Variants in SDK1 observed in about 807,000 individuals in gnomAD.
SDK1 encodes protein sidekick-1.
A neutral mutation model predicts 245.5 loss-of-function variants in SDK1; 157 were observed. The ratio of observed to expected loss-of-function variants is 0.64; its 90% CI spans 0.56 to 0.73. SDK1 has a LOEUF of 0.73. Ranked by LOEUF, SDK1 falls within the 30% of genes least tolerant of loss-of-function variation. The pLI, the probability that SDK1 is intolerant of heterozygous loss-of-function variation, is 0.00. For synonymous variants in SDK1, 1,647 were observed against 1,278.5 expected, an observed-to-expected ratio of 1.29 and a Z score of -6.15; for missense variants, 3,583 against 3,002.3, an observed-to-expected ratio of 1.19 and a Z score of -4.52.
chr7:4,241,373 G>A (rs35399365), intron 42 of SDK1, among the ~76,000 whole-genome samples: 27,880 of 152,080 alleles, frequency 0.18, 2,959 homozygotes, highest in Non-Finnish European at 0.24. Context: ...AGTGGCTCAC[G>A]CTTGCCATCC....
At chr7:3,682,631 T>A (rs574291009) in intron 4 of SDK1, among the ~76,000 whole-genome samples, 2 of 27,100 alleles carry the variant, frequency 7.4e-5, no homozygotes, top group East Asian at 1.7e-3. Flanking sequence ...TTTTTTTCTT[T>A]TTACATCAGC....
intron 5 of SDK1, among the ~76,000 whole-genome samples, chr7:3,849,093 G>C (rs182370215): frequency 5.9e-5 from 9 of 152,274 alleles, no homozygotes; most frequent in Admixed American, 2.6e-4. Flanking sequence ...TCTCTGTTTA[G>C]AGTTTCCATT....
At chr7:3,826,416 A>G (rs1779776706) in intron 5 of SDK1, among the ~76,000 whole-genome samples, 1 of 152,196 alleles carries the variant, frequency 6.6e-6, no homozygotes, top group Non-Finnish European at 1.5e-5. Context: ...AATTCTTATG[A>G]CATCTGGTTA....
At chr7:4,139,184 A>C (rs1443016495) in intron 28 of SDK1, among the ~76,000 whole-genome samples, 39 of 151,270 alleles carry the variant, frequency 2.6e-4, no homozygotes, top group South Asian at 4.2e-4. Flanking sequence ...TTCTCTACCC[A>C]CCCCCCATTT....
intron 4 of SDK1, among the ~76,000 whole-genome samples, chr7:3,813,546 A>G (rs1280046466): frequency 2.7e-5 from 4 of 149,956 alleles, no homozygotes; most frequent in African/African-American, 5.0e-5. Context: ...AGTCTTTGCT[A>G]TTGTGAATAA....
chr7:3,583,674 CAAG>C (rs1322680158), intron 1 of SDK1, among the ~76,000 whole-genome samples: 2 of 152,002 alleles, frequency 1.3e-5, no homozygotes, highest in Admixed American at 6.5e-5. Flanking sequence ...GGAAATAAAA[CAAG>C]TAGTAAGAGG....
At chr7:3,741,410 G>A (rs559072799) in intron 4 of SDK1, among the ~76,000 whole-genome samples, 3 of 152,278 alleles carry the variant, frequency 2.0e-5, no homozygotes, top group Non-Finnish European at 4.4e-5. Context: ...TGTGGGAATC[G>A]TGCACCCCAC....
intron 4 of SDK1, among the ~76,000 whole-genome samples, chr7:3,730,594 A>G (rs1187096808): frequency 1.3e-5 from 2 of 152,088 alleles, no homozygotes; most frequent in African/African-American, 4.8e-5. Context: ...GACTGAGAGG[A>G]TGAGGTCACA....
At position 3,417,359 on chromosome 7, in the gene SDK1, A is replaced by C. The variant is rs540703231; in HGVS notation, c.298+115475A>C. On this transcript the variant is annotated intron_variant, in intron 1 of 44. Transcript: ENST00000404826. ...CGACTCTTCGTCTTCTTTCTGCTGC[A>C]TGTGGTCTGACCATCTTAGTTCTCA... Among the ~76,000 whole-genome samples, 3 of 152,130 alleles carry C rather than the reference A, an allele frequency of 2.0e-5. No homozygotes were observed. In the South Asian group the frequency reaches 6.2e-4, roughly 32 times the overall value.
chr7:3,820,723 A>T (rs573059661), intron 4 of SDK1, among the ~76,000 whole-genome samples: 1 of 152,196 alleles, frequency 6.6e-6, no homozygotes, highest in Non-Finnish European at 1.5e-5. Flanking sequence ...AAGACAAGCA[A>T]CTTAACTTCT....
intron 1 of SDK1, among the ~76,000 whole-genome samples, chr7:3,429,311 T>C (rs1779765200): frequency 2.0e-5 from 3 of 152,234 alleles, no homozygotes; most frequent in African/African-American, 7.2e-5. Context: ...ATGTAATTCT[T>C]ATAAACATCT....
chr7:3,349,589 C>A (rs902014421), intron 1 of SDK1, among the ~76,000 whole-genome samples: 2 of 152,038 alleles, frequency 1.3e-5, no homozygotes, highest in Non-Finnish European at 2.9e-5. Flanking sequence ...CTTTTTGGGC[C>A]AGAGTACATG....
chr7:3,945,729 C>T (rs1014747620), intron 5 of SDK1, among the ~76,000 whole-genome samples: 1 of 151,362 alleles, frequency 6.6e-6, no homozygotes, highest in South Asian at 2.1e-4. Context: ...GAAACCCTGT[C>T]TCTACTAAAA....
At chr7:4,024,501 G>A (rs766978056) in intron 17 of SDK1, among the ~76,000 whole-genome samples, 11 of 152,176 alleles carry the variant, frequency 7.2e-5, no homozygotes, top group Non-Finnish European at 1.5e-5. Flanking sequence ...TTCCATTAGG[G>A]GTGGGCTTCC....
chr7:3,710,651 G>A (rs542577731), intron 4 of SDK1, among the ~76,000 whole-genome samples: 2 of 152,284 alleles, frequency 1.3e-5, no homozygotes, highest in South Asian at 2.1e-4. Context: ...CGACACTCTC[G>A]TAAATTACTC....
At chr7:4,247,607 C>G (rs908375318) in intron 44 of SDK1, among the ~76,000 whole-genome samples, 1 of 152,370 alleles carries the variant, frequency 6.6e-6, no homozygotes, top group South Asian at 2.1e-4. Flanking sequence ...TCCCTGCTGC[C>G]GCTGCCGGGC....
chr7:3,474,873 G>A (rs1400249641), intron 1 of SDK1, among the ~76,000 whole-genome samples: 3 of 152,020 alleles, frequency 2.0e-5, no homozygotes, highest in Non-Finnish European at 4.4e-5. Flanking sequence ...TTTAATTTTT[G>A]TAGAGACAGG....
At chr7:3,785,427 C>T (rs1013190167) in intron 4 of SDK1, among the ~76,000 whole-genome samples, 3 of 152,042 alleles carry the variant, frequency 2.0e-5, no homozygotes, top group Admixed American at 6.6e-5. Flanking sequence ...TTTTATTAAT[C>T]AATCATAACA....
At position 3,948,628 on chromosome 7, in the gene SDK1, C is replaced by G. The variant is rs112547475; in HGVS notation, c.848-2295C>G. ...AGGGCTTCCTCCTCCTGTGGTGGAG[C>G]TGAACCCCGTGATGGATGGATGTGT... On this transcript the variant is annotated intron_variant, in intron 5 of 44. Coordinates refer to ENST00000404826, the MANE Select transcript of SDK1 (RefSeq NM_152744.4). 3.3e-4 allele frequency among the ~76,000 whole-genome samples: 51 copies of G among 152,328 alleles called. 1 individual carries two copies. Among genetic ancestry groups the G allele is most frequent in the African/African-American group, 1.1e-3 (46 of 41,588 alleles).
Sources: allele counts gnomAD v4.1 joint callset (sites outside exome capture counted in the v4.1 genomes callset), GRCh38; gene constraint gnomAD v4.1.1; transcripts MANE v1.5; gene names NCBI Gene and HGNC (gene_info 2026-07-23, HGNC 2026-07-21).